The following MAN1A1 variants were observed in gnomAD, a reference collection of about 807,000 sequenced individuals.
MAN1A1 encodes mannosyl-oligosaccharide 1,2-alpha-mannosidase IA.
MAN1A1 carries 29 observed loss-of-function variants against 70.8 expected under a neutral mutation model. That is an observed-to-expected ratio of 0.41 (90% CI 0.31 to 0.56). The LOEUF is 0.56. Among genes scored for constraint, MAN1A1 ranks in the 20% least tolerant of loss-of-function variants. The pLI is 0.29. For missense variants in MAN1A1, 747 were observed against 841.3 expected (o/e 0.89, Z 1.39); for synonymous variants, 349 against 330.1 (o/e 1.06, Z -0.62).
Position 119,224,757 on chromosome 6 carries a change from T to TAA in MAN1A1, c.993-19876_993-19875insTT, listed in dbSNP as rs149571418. On this transcript the variant is annotated intron_variant, in intron 6 of 12. Transcript: ENST00000368468. Reference sequence around the variant, plus strand: ...AATGACTTCAAAGCAACTATTTAAATACATTCAAAGAATTCAAAGAAAATG... The same window carrying TAA: ...AATGACTTCAAAGCAACTATTTAAATAAACATTCAAAGAATTCAAAGAAAATG... Among the ~76,000 whole-genome samples, 679 of 152,222 alleles carry TAA rather than the reference T, an allele frequency of 4.5e-3. 9 individuals carry two copies. The highest frequency in any genetic ancestry group is 0.016 in the African/African-American group (665 of 41,528).
intron 5 of MAN1A1, among the ~76,000 whole-genome samples, chr6:119,286,681 T>C (rs1776383366): frequency 6.6e-6 from 1 of 152,184 alleles, no homozygotes; most frequent in Non-Finnish European, 1.5e-5. Flanking sequence ...TAGTTCTTAA[T>C]CATTTTGGCT....
At chr6:119,309,406 A>C (rs980195594) in intron 2 of MAN1A1, among the ~76,000 whole-genome samples, 1 of 152,230 alleles carries the variant, frequency 6.6e-6, no homozygotes, top group African/African-American at 2.4e-5. Context: ...GCCATTACCC[A>C]GCTGAGTGGC....
intron 6 of MAN1A1, among the ~76,000 whole-genome samples, 168 bp from the exon 7 acceptor site, chr6:119,205,050 G>A (rs7743940): frequency 0.047 from 7,152 of 152,228 alleles, 561 homozygotes; most frequent in African/African-American, 0.16. Flanking sequence ...CAGTTTTAGG[G>A]TTTGTCTCCT....
intron 3 of MAN1A1, 138 bp from the exon 4 acceptor site, chr6:119,302,241 T>C: frequency 5.9e-6 from 3 of 506,694 alleles, no homozygotes; most frequent in Non-Finnish European, 7.1e-6. Flanking sequence ...TAAAATTCTT[T>C]CAATGAAAGT....
chr6:119,195,469 AATGAC>A (rs1773543737), intron 8 of MAN1A1, among the ~76,000 whole-genome samples: 1 of 152,178 alleles, frequency 6.6e-6, no homozygotes, highest in African/African-American at 2.4e-5. Context: ...TCTGGGACCA[AATGAC>A]ACTTCCTCAA....
intron 6 of MAN1A1, among the ~76,000 whole-genome samples, chr6:119,212,579 A>T (rs989698805): frequency 2.0e-5 from 3 of 152,136 alleles, no homozygotes; most frequent in African/African-American, 7.2e-5. Flanking sequence ...AAGATATCCT[A>T]CCCTGAAATG....
intron 5 of MAN1A1, among the ~76,000 whole-genome samples, chr6:119,262,650 A>G (rs1252406283): frequency 2.0e-5 from 3 of 152,230 alleles, no homozygotes; most frequent in Non-Finnish European, 2.9e-5. Context: ...AAAGGAATAT[A>G]AATTGTTCTA....
chr6:119,309,185 C>A (rs1451180852), intron 2 of MAN1A1, among the ~76,000 whole-genome samples: 2 of 152,162 alleles, frequency 1.3e-5, no homozygotes, highest in Non-Finnish European at 2.9e-5. Flanking sequence ...TATTGTTAAC[C>A]AATTCCACCA....
intron 6 of MAN1A1, among the ~76,000 whole-genome samples, chr6:119,216,609 C>A (rs752600943): frequency 3.8e-4 from 58 of 152,100 alleles, no homozygotes; most frequent in Non-Finnish European, 3.8e-4. Context: ...AAGGAAAAAG[C>A]CAAATTCATG....
chr6:119,245,707 T>G (rs1775151456), intron 6 of MAN1A1, among the ~76,000 whole-genome samples: 2 of 152,170 alleles, frequency 1.3e-5, no homozygotes, highest in Non-Finnish European at 2.9e-5. Context: ...AATTAAAAAT[T>G]CATGCATGTT....
chr6:119,197,327 AGG>A (rs1345308180), intron 8 of MAN1A1, among the ~76,000 whole-genome samples: 2 of 151,994 alleles, frequency 1.3e-5, no homozygotes, highest in African/African-American at 4.8e-5. Flanking sequence ...AAAAAAGGTA[AGG>A]GGCAAAAAGA....
chr6:119,308,137 GT>G (rs1377545372), intron 2 of MAN1A1, among the ~76,000 whole-genome samples: 1 of 152,072 alleles, frequency 6.6e-6, no homozygotes, highest in African/African-American at 2.4e-5. Context: ...TATTACCATT[GT>G]TAGGGAGATG....
intron 2 of MAN1A1, among the ~76,000 whole-genome samples, chr6:119,316,981 C>G (rs1772871730): frequency 6.7e-6 from 1 of 149,442 alleles, no homozygotes; most frequent in African/African-American, 2.5e-5. Flanking sequence ...CAAGCTATCC[C>G]TAGAGTCAAG....
intron 2 of MAN1A1, among the ~76,000 whole-genome samples, chr6:119,335,995 G>C (rs1233941178): frequency 6.6e-6 from 1 of 152,170 alleles, no homozygotes; most frequent in Non-Finnish European, 1.5e-5. Context: ...GTATCACCTA[G>C]CAACATGCTA....
At chr6:119,283,391 G>T (rs145204361) in intron 5 of MAN1A1, among the ~76,000 whole-genome samples, 83 of 152,296 alleles carry the variant, frequency 5.4e-4, no homozygotes, top group African/African-American at 2.0e-3. Context: ...TCTAGTGCCA[G>T]GCATACAGTG....
At chr6:119,202,391 C>T (rs542801796) in intron 7 of MAN1A1, among the ~76,000 whole-genome samples, 4 of 152,098 alleles carry the variant, frequency 2.6e-5, no homozygotes, top group East Asian at 3.9e-4. Flanking sequence ...GGCAGTAGCA[C>T]GCATGGAGCT....
chr6:119,193,291 T>C (rs1362651040), intron 9 of MAN1A1, among the ~76,000 whole-genome samples: 1 of 152,204 alleles, frequency 6.6e-6, no homozygotes, highest in African/African-American at 2.4e-5. Context: ...GAATCTTTGA[T>C]ACTATTAATG....
intron 9 of MAN1A1, 104 bp from the exon 10 acceptor site, chr6:119,189,987 C>G: frequency 1.1e-6 from 1 of 891,234 alleles, no homozygotes; most frequent in South Asian, 1.7e-5. Context: ...ACCTGACAAT[C>G]AGAGTTTGGT....
intron 3 of MAN1A1, among the ~76,000 whole-genome samples, chr6:119,306,216 T>C (rs965378042): frequency 2.2e-4 from 33 of 152,144 alleles, no homozygotes; most frequent in Non-Finnish European, 4.4e-4. Context: ...TTTTGAGGAT[T>C]AGAAAGAAAT....
Sources: gnomAD v4.1 joint callset for allele counts (sites outside exome capture counted in the v4.1 genomes callset) on GRCh38, gnomAD v4.1.1 for gene constraint, MANE v1.5 for transcripts, NCBI Gene and HGNC (gene_info 2026-07-23, HGNC 2026-07-21) for gene names.